BANK1: variants seen among roughly 807,000 people sequenced by gnomAD.
The protein encoded by BANK1 is B cell scaffold protein with ankyrin repeats 1.
BANK1 carries 95 observed loss-of-function variants against 94.5 expected under a neutral mutation model. The ratio of observed to expected loss-of-function variants is 1.00; its 90% CI spans 0.85 to 1.19. The LOEUF is 1.19. BANK1 is among the 50% of genes most tolerant of loss of function. The pLI is 0.00. For missense variants in BANK1, 987 were observed against 932.2 expected, an observed-to-expected ratio of 1.06 and a Z score of -0.77; for synonymous variants, 334 against 308.4, an observed-to-expected ratio of 1.08 and a Z score of -0.87.
intron 13 of BANK1, among the ~76,000 whole-genome samples, chr4:102,071,024 A>G (rs1056931389): frequency 2.0e-5 from 3 of 152,230 alleles, no homozygotes; most frequent in African/African-American, 7.2e-5. Context: ...TGTTAATGTC[A>G]AACATATCTA....
At chr4:101,826,674 C>G (rs1293560565) in intron 1 of BANK1, among the ~76,000 whole-genome samples, 5 of 151,930 alleles carry the variant, frequency 3.3e-5, no homozygotes, top group African/African-American at 1.2e-4. Context: ...AGATACTACA[C>G]TACTATACAC....
At position 101,828,383 on chromosome 4, in the gene BANK1, T is replaced by TTATATATA. The variant is rs60877981; in HGVS notation, c.71-1405_71-1398dup. ...ATCTAAGATATGTAGATGAGTGAAT[T>TTATATATA]TATATATATATATATATATATATAT... On this transcript the variant is annotated intron_variant, in intron 1 of 16. Transcript: ENST00000322953. Among the ~76,000 whole-genome samples, 41 of 142,176 alleles carry TTATATATA rather than the reference T, an allele frequency of 2.9e-4. No individual in the cohort carries two copies. The East Asian group carries it at 3.5e-3, about 12-fold the overall frequency. 93.3% of individuals were successfully genotyped at this position (142,176 alleles called of 152,430 possible).
intron 5 of BANK1, among the ~76,000 whole-genome samples, chr4:101,886,739 A>T (rs1728868832): frequency 7.6e-6 from 1 of 131,968 alleles, no homozygotes; most frequent in African/African-American, 2.9e-5. Context: ...AGACCTTTTG[A>T]CATTAGGAAT....
chr4:101,953,803 G>T (rs1724250460), intron 7 of BANK1, among the ~76,000 whole-genome samples: 1 of 152,066 alleles, frequency 6.6e-6, no homozygotes, highest in African/African-American at 2.4e-5. Context: ...TATGTTTTGT[G>T]AATGATAAGA....
intron 11 of BANK1, among the ~76,000 whole-genome samples, chr4:102,046,629 C>G (rs960458111): frequency 6.6e-6 from 1 of 152,084 alleles, no homozygotes; most frequent in Non-Finnish European, 1.5e-5. Context: ...AAGACTGCAT[C>G]CTTTTTAACT....
rs1019488365 is a variant in BANK1 at position 101,790,836 on chromosome 4, C to T, written c.-45C>T. 2.0e-6 allele frequency: 3 copies of T among 1,526,794 alleles called. No individual in the cohort carries two copies. The highest frequency in any genetic ancestry group is 2.5e-5 in the East Asian group (1 of 40,698). 94.6% of individuals were successfully genotyped at this position (1,526,794 alleles called of 1,614,324 possible). ...TCTGGCCGGGAGAGTCCAGGTAGCG[C>T]TCGGCGGGCAGCAGTGCGCAGGCCC... On this transcript the variant is annotated 5_prime_UTR_variant, in exon 1 of 17. Transcript: ENST00000322953.
intron 11 of BANK1, among the ~76,000 whole-genome samples, chr4:102,056,026 G>A (rs1457256933): frequency 1.3e-5 from 2 of 152,076 alleles, no homozygotes; most frequent in Non-Finnish European, 2.9e-5. Context: ...CTAAGCTACA[G>A]GACTCAGTGT....
rs183383998 is a variant in BANK1, at chr4:101,993,565, A to G, written c.1207-27949A>G. On this transcript the variant is annotated intron_variant, in intron 7 of 16. Transcript: ENST00000322953. ...CCAAGCATATTTCCTTTCCAGCATTAATAATTACTTGGCACTGAAGAAATG... is the reference window on the plus strand; with the variant it reads ...CCAAGCATATTTCCTTTCCAGCATTGATAATTACTTGGCACTGAAGAAATG... Among the ~76,000 whole-genome samples, 1,083 of 152,264 alleles carry G rather than the reference A, an allele frequency of 7.1e-3. 14 individuals are homozygous for G. Among genetic ancestry groups the G allele is most frequent in the African/African-American group, 0.024 (1,006 of 41,556 alleles).
intron 1 of BANK1, among the ~76,000 whole-genome samples, chr4:101,816,258 G>T (rs553916210): frequency 1.3e-5 from 2 of 152,112 alleles, no homozygotes; most frequent in Non-Finnish European, 2.9e-5. Context: ...GTCACAAAAG[G>T]CATAGGCTCA....
At chr4:101,885,106 C>T (rs559314370) in intron 5 of BANK1, among the ~76,000 whole-genome samples, 5 of 152,244 alleles carry the variant, frequency 3.3e-5, no homozygotes, top group South Asian at 2.1e-4. Flanking sequence ...TTAATAGAGA[C>T]GGGGTTTCGC....
chr4:101,870,712 C>A, intron 5 of BANK1, 68 bp downstream of exon 5: 1 of 1,504,214 alleles, frequency 6.6e-7, no homozygotes, highest in South Asian at 1.3e-5. Context: ...TAAGAGGATT[C>A]ATGCTTTGGT....
At chr4:101,841,861 T>G (rs1408006862) in intron 2 of BANK1, among the ~76,000 whole-genome samples, 2 of 145,476 alleles carry the variant, frequency 1.4e-5, no homozygotes, top group Non-Finnish European at 3.0e-5. Flanking sequence ...CACCTATGAG[T>G]GAGAATATGC....
At chr4:101,898,033 C>T (rs924058085) in intron 6 of BANK1, among the ~76,000 whole-genome samples, 1 of 151,732 alleles carries the variant, frequency 6.6e-6, no homozygotes, top group Non-Finnish European at 1.5e-5. Context: ...CCAGATAACT[C>T]ATTCAGAAGC....
At position 102,074,460 on chromosome 4, in the gene BANK1, T is replaced by TCACA; in HGVS notation, c.*462_*465dup. ...GTAGCTGGTTCATTTTCTGAATTTC[T>TCACA]CACATTCAGAGTTCCAGTCATTATT... is the stretch of plus-strand genomic sequence containing the variant. On this transcript the variant is annotated 3_prime_UTR_variant, in exon 17 of 17. Coordinates refer to ENST00000322953, the MANE Select transcript of BANK1 (RefSeq NM_017935.5). 1 of 152,076 alleles carries TCACA rather than the reference T, an allele frequency of 6.6e-6. No individual in the cohort carries two copies. The highest frequency in any genetic ancestry group is 1.9e-4 in the East Asian group (1 of 5,202). The allele number at this position is 152,076 out of a possible 1,614,324, so 9.4% of individuals were successfully genotyped here. A position where few individuals can be genotyped will look rare whatever the true frequency, so the allele number is the denominator to read the frequency against.
intron 7 of BANK1, among the ~76,000 whole-genome samples, chr4:101,957,477 T>C (rs73834509): frequency 6.6e-6 from 1 of 152,300 alleles, no homozygotes; most frequent in African/African-American, 2.4e-5. Flanking sequence ...CTTTTCTCGA[T>C]TGAGTTCTCG....
intron 6 of BANK1, among the ~76,000 whole-genome samples, chr4:101,899,213 G>A (rs1578386062): frequency 6.6e-6 from 1 of 151,894 alleles, no homozygotes; most frequent in Admixed American, 6.6e-5. Flanking sequence ...AGATGGTAGG[G>A]AAAAATGTAG....
chr4:101,801,508 T>C (rs1329688264), intron 1 of BANK1, among the ~76,000 whole-genome samples: 1 of 152,240 alleles, frequency 6.6e-6, no homozygotes, highest in Non-Finnish European at 1.5e-5. Flanking sequence ...ATATGTATTA[T>C]GAGATTACTC....
At chr4:101,995,753 G>C (rs1260586587) in intron 7 of BANK1, among the ~76,000 whole-genome samples, 1 of 151,926 alleles carries the variant, frequency 6.6e-6, no homozygotes, top group Non-Finnish European at 1.5e-5. Flanking sequence ...CCTTTGTGAA[G>C]TGTCTGTTCA....
chr4:101,931,499 T>C (rs1401290685), intron 7 of BANK1, among the ~76,000 whole-genome samples: 1 of 151,482 alleles, frequency 6.6e-6, no homozygotes, highest in Admixed American at 6.6e-5. Context: ...TGGACTTAAA[T>C]TAAAACCACA....
Sources: allele counts gnomAD v4.1 joint callset (sites outside exome capture counted in the v4.1 genomes callset), GRCh38; gene constraint gnomAD v4.1.1; transcripts MANE v1.5; gene names NCBI Gene and HGNC (gene_info 2026-07-23, HGNC 2026-07-21).